ACLY: variants seen among roughly 807,000 people sequenced by gnomAD.
ACLY encodes ATP citrate lyase, also known as ATP-citrate synthase.
In ACLY, 41 loss-of-function variants were observed where a neutral mutation model predicts 133.0. That is an observed-to-expected ratio of 0.31 (90% CI 0.24 to 0.40). The LOEUF (loss-of-function observed/expected upper bound fraction) is 0.40. ACLY is among the 10% of genes least tolerant of loss of function. ACLY has a pLI of 1.00. For synonymous variants in ACLY, 495 were observed against 549.3 expected (o/e 0.90, Z 1.38); for missense variants, 1,046 against 1,453.8 (o/e 0.72, Z 4.56).
intron 22 of ACLY, among the ~76,000 whole-genome samples, chr17:41,875,243 G>C (rs1555625851): frequency 6.6e-6 from 1 of 151,886 alleles, no homozygotes; most frequent in African/African-American, 2.4e-5. Context: ...CCAGTTACTC[G>C]GGAGGCTAAG....
intron 4 of ACLY, 70 bp from the exon 5 acceptor site, chr17:41,909,770 G>A: frequency 7.1e-7 from 1 of 1,407,116 alleles, no homozygotes; most frequent in Non-Finnish European, 9.9e-7. Flanking sequence ...GCGCTGAACT[G>A]GGGAAGATGG....
chr17:41,907,614 G>T (rs782038648), intron 6 of ACLY, 42 bp from the exon 7 acceptor site: 1 of 1,602,362 alleles, frequency 6.2e-7, no homozygotes, highest in East Asian at 2.2e-5. Context: ...CCGGCTCTGG[G>T]TAGAGACAAC....
chr17:41,924,046 T>C (rs1232830435), intron 1 of ACLY, among the ~76,000 whole-genome samples: 1 of 152,204 alleles, frequency 6.6e-6, no homozygotes, highest in African/African-American at 2.4e-5. Flanking sequence ...CCAGACCTCA[T>C]GATCCGCCTG....
chr17:41,880,739 G>A (rs144031795), intron 20 of ACLY, among the ~76,000 whole-genome samples: 28 of 152,036 alleles, frequency 1.8e-4, no homozygotes, highest in African/African-American at 5.8e-4. Flanking sequence ...GGTGGTGGGC[G>A]TCTGTAATCC....
intron 11 of ACLY, among the ~76,000 whole-genome samples, chr17:41,899,014 C>T (rs1211635794): frequency 6.6e-6 from 1 of 152,206 alleles, no homozygotes; most frequent in Non-Finnish European, 1.5e-5. Context: ...GTGGCTCACA[C>T]CTGTAATCCC....
In ACLY at chr17:41,909,607, C is replaced by T. The variant is rs146278746; in HGVS notation, c.439G>A (p.Ala147Thr). The change falls in exon 5 of 29, where the codon GCC (alanine) becomes ACC (threonine). Residue 147 changes from alanine (A) to threonine (T), a missense_variant. Physicochemically the swap from Ala to Thr is moderately conservative, Grantham distance 58 (BLOSUM62 0). Transcript: ENST00000352035. Reference sequence around the variant, plus strand: ...CCAACAAGCAGCTTCTGGGCCTTGGCGTCCACATCACCCACGTCCACACCC... The same window carrying T: ...CCAACAAGCAGCTTCTGGGCCTTGGTGTCCACATCACCCACGTCCACACCC... ...EGGVDVGDVD[A>T]KAQKLLVGVD... 2.0e-5 allele frequency: 32 copies of T among 1,614,058 alleles called. No homozygotes were observed. The highest frequency in any genetic ancestry group is 6.7e-5 in the East Asian group (3 of 44,894).
At chr17:41,878,223 CA>C in intron 21 of ACLY, 27 bp from the exon 22 acceptor site, 11 of 1,505,666 alleles carry the variant, frequency 7.3e-6, no homozygotes, top group Non-Finnish European at 9.8e-6. Context: ...AAAAGACATC[CA>C]TGTGGATTTT....
chr17:41,874,424 G>A (rs782808395), intron 22 of ACLY, among the ~76,000 whole-genome samples: 5 of 152,052 alleles, frequency 3.3e-5, no homozygotes, highest in East Asian at 1.9e-4. Flanking sequence ...GGCACGCACC[G>A]CCACGCCTGG....
At chr17:41,885,611 C>T (rs1223734482) in intron 18 of ACLY, among the ~76,000 whole-genome samples, 2 of 152,180 alleles carry the variant, frequency 1.3e-5, no homozygotes, top group South Asian at 2.1e-4. Flanking sequence ...ACCTGCTGAA[C>T]GCAGGCCCTG....
chr17:41,930,349 T>C (rs2050304449), intron 1 of ACLY: 3 of 201,066 alleles, frequency 1.5e-5, no homozygotes, highest in Admixed American at 1.1e-4. Context: ...GCCGTGCACA[T>C]ATCCTTACCA....
intron 10 of ACLY, 108 bp downstream of exon 10, chr17:41,904,621 G>C: frequency 9.4e-7 from 1 of 1,061,820 alleles, no homozygotes; most frequent in East Asian, 2.5e-5. Context: ...TACCTGACCT[G>C]GGAACTCATG....
At chr17:41,916,193 G>A (rs908653173) in intron 1 of ACLY, among the ~76,000 whole-genome samples, 59 of 152,150 alleles carry the variant, frequency 3.9e-4, no homozygotes, top group South Asian at 2.5e-3. Flanking sequence ...TTTGCCACTA[G>A]AGCATTCTGG....
At chr17:41,920,812 T>C (rs990198799), upstream of ACLY, among the ~76,000 whole-genome samples, 3 of 151,922 alleles carry the variant, frequency 2.0e-5, no homozygotes, top group Non-Finnish European at 4.4e-5. Context: ...TCCCAGCAAT[T>C]TGGGAGGCCT....
chr17:41,917,477 G>C (rs1230987628), intron 1 of ACLY, among the ~76,000 whole-genome samples: 3 of 152,060 alleles, frequency 2.0e-5, no homozygotes, highest in African/African-American at 4.8e-5. Context: ...AGCAGACACT[G>C]AGAGAAGCAG....
intron 11 of ACLY, 31 bp downstream of exon 11, chr17:41,901,665 G>T (rs373270337): frequency 4.2e-5 from 66 of 1,585,206 alleles, no homozygotes; most frequent in African/African-American, 8.1e-5. Context: ...CACACTCAGG[G>T]TGAGGGGGAG....
intron 22 of ACLY, among the ~76,000 whole-genome samples, chr17:41,874,634 T>C (rs1416503440): frequency 1.4e-5 from 2 of 147,920 alleles, no homozygotes; most frequent in African/African-American, 5.0e-5. Context: ...AGTGCAGTGG[T>C]ACGATCTCAG....
In ACLY at chr17:41,878,178, G is replaced by A. The variant is rs35022178; in HGVS notation, c.2412C>T (p.Leu804=). Residue 804 remains leucine (L), a synonymous_variant, in exon 22 of 29, where the codon CTC becomes CTT. Transcript: ENST00000352035. ...GEIIQSVYED[L]VANGVIVPAQ... ...CAGGTACAATGACTCCATTGGCCAC[G>A]AGATCTTCGTATACAGACCTGGGAG... 3.0e-4 allele frequency: 476 copies of A among 1,593,960 alleles called. 2 individuals carry two copies. In the African/African-American group the frequency reaches 5.6e-3, roughly 19 times the overall value.
At position 41,925,198 on chromosome 17, in the gene ACLY, G is replaced by A. The variant is rs372118523; in HGVS notation, c.-28+5160C>T. ...TTACAGGCGCCCACCACCACACAGG[G>A]TGGTGGAGGTTCAGCGAGCCGAGAT... On this transcript the variant is annotated intron_variant, in intron 1 of 3. Coordinates refer to the ACLY transcript ENST00000592970. 2.0e-4 allele frequency among the ~76,000 whole-genome samples: 31 copies of A among 151,798 alleles called. 1 individual carries two copies. The South Asian group carries it at 5.4e-3, about 27-fold the overall frequency.
Position 41,879,279 on chromosome 17 carries a change from T to C in ACLY, c.2266-355A>G, listed in dbSNP as rs144132432. Among the ~76,000 whole-genome samples the C allele has an allele frequency of 5.7e-3, 864 of 152,014 alleles. 4 individuals are homozygous for C. Among genetic ancestry groups the C allele is most frequent in the Non-Finnish European group, 8.6e-3 (584 of 67,962 alleles). On this transcript the variant is annotated intron_variant, in intron 20 of 28. Coordinates refer to ENST00000352035, the MANE Select transcript of ACLY (RefSeq NM_001096.3). Reference sequence around the variant, plus strand: ...TGCCACCACGCCCAGCTAATTTTTGTATTTTTAGTAGAGATGGGGTTTCAC... The same window carrying C: ...TGCCACCACGCCCAGCTAATTTTTGCATTTTTAGTAGAGATGGGGTTTCAC...
Sources: gnomAD v4.1 joint callset for allele counts (sites outside exome capture counted in the v4.1 genomes callset) on GRCh38, gnomAD v4.1.1 for gene constraint, MANE v1.5 for transcripts, NCBI Gene and HGNC (gene_info 2026-07-23, HGNC 2026-07-21) for gene names.